C9orf72: variants seen among roughly 807,000 people sequenced by gnomAD.
C9orf72 encodes C9orf72-SMCR8 complex subunit, also known as guanine nucleotide exchange factor C9orf72.
Under a neutral mutation model 51.6 loss-of-function variants are expected in C9orf72, and 44 were observed. The observed-to-expected ratio is 0.85, with a 90% confidence interval of 0.67 to 1.10. C9orf72 has a LOEUF of 1.10. C9orf72 is among the 50% of genes least tolerant of loss of function. The probability of loss-of-function intolerance (pLI) is 0.00; values close to 1 mark genes in which losing one functional copy is unlikely to be tolerated. For synonymous variants in C9orf72, 213 were observed against 194.2 expected, an observed-to-expected ratio of 1.10 and a Z score of -0.81; for missense variants, 607 against 570.6, an observed-to-expected ratio of 1.06 and a Z score of -0.65.
rs535359091 is a variant in C9orf72, at chr9:27,571,653, C to T, written c.-45+1778G>A. On this transcript the variant is annotated intron_variant, in intron 1 of 10. Coordinates refer to ENST00000380003, the MANE Select transcript of C9orf72 (RefSeq NM_018325.5). Reference sequence around the variant, plus strand: ...TAATTTTTTGTAGAGACAGGGTCTACGTTGCCCAGGTTGAGCTTGAACTCC... The same window carrying T: ...TAATTTTTTGTAGAGACAGGGTCTATGTTGCCCAGGTTGAGCTTGAACTCC... Among the ~76,000 whole-genome samples, 4 of 152,228 alleles carry T rather than the reference C, an allele frequency of 2.6e-5. No homozygotes were observed. The East Asian group carries it at 7.7e-4, about 29-fold the overall frequency.
At position 27,552,515 on chromosome 9, in the gene C9orf72, A is replaced by ATTTTTT. The variant is rs71492751; in HGVS notation, c.1092-1814_1092-1809dup. Among the ~76,000 whole-genome samples the ATTTTTT allele has an allele frequency of 7.1e-3, 752 of 105,522 alleles. 1 individual carries two copies. The highest frequency in any genetic ancestry group is 9.8e-3 in the Non-Finnish European group (546 of 55,582). The allele number at this position is 105,522 out of a possible 152,430, so 69.2% of individuals were successfully genotyped here. On this transcript the variant is annotated intron_variant, in intron 8 of 10. Transcript: ENST00000380003. The stretch of plus-strand genomic sequence containing the variant: ...AGGTGCATGTCACCATACCAAGCTA[A>ATTTTTT]TTTTTTTTTTTTTTTTTTTTTGTAG...
intron 6 of C9orf72, 82 bp from the exon 7 acceptor site, chr9:27,558,689 T>A (rs1337430916): frequency 2.8e-6 from 2 of 712,188 alleles, no homozygotes; most frequent in South Asian, 3.6e-5. Context: ...GAAATTTTAA[T>A]TGTTATTATC....
chr9:27,554,168 T>C (rs1040662071), intron 8 of C9orf72, among the ~76,000 whole-genome samples: 1 of 152,298 alleles, frequency 6.6e-6, no homozygotes, highest in South Asian at 2.1e-4. Context: ...TTATTCTATA[T>C]GTACCTAAAG....
intron 3 of C9orf72, 41 bp from the exon 4 acceptor site, chr9:27,562,517 T>C (rs748760800): frequency 4.0e-6 from 4 of 992,136 alleles, no homozygotes; most frequent in East Asian, 5.5e-5. Flanking sequence ...AATCACGTAA[T>C]ATGAGAGAAG....
intron 1 of C9orf72, among the ~76,000 whole-genome samples, chr9:27,571,750 C>T (rs1422283094): frequency 2.6e-5 from 4 of 152,214 alleles, no homozygotes; most frequent in African/African-American, 4.8e-5. Flanking sequence ...CCTTCTCCAA[C>T]CTGGCTCTCA....
Position 27,546,598 on chromosome 9 carries a change from T to C in C9orf72, c.*1638A>G, listed in dbSNP as rs1820774239. ...TTCTCCATTTAGGAGAAAAGATATA[T>C]AACAATGTTTACACATGCTTTAATA... On this transcript the variant is annotated 3_prime_UTR_variant, in exon 11 of 11. Coordinates refer to ENST00000380003, the MANE Select transcript of C9orf72 (RefSeq NM_018325.5). 1 of 152,184 alleles carries C rather than the reference T, an allele frequency of 6.6e-6. No homozygotes were observed. The highest frequency in any genetic ancestry group is 2.4e-5 in the African/African-American group (1 of 41,462). 9.4% of individuals were successfully genotyped at this position (152,184 alleles called of 1,614,324 possible).
At chr9:27,555,367 A>G (rs1820987648) in intron 8 of C9orf72, among the ~76,000 whole-genome samples, 1 of 152,142 alleles carries the variant, frequency 6.6e-6, no homozygotes, top group African/African-American at 2.4e-5. Context: ...TTCCTATTCT[A>G]TGCTTTTGGT....
At chr9:27,551,562 T>C (rs971612187) in intron 8 of C9orf72, among the ~76,000 whole-genome samples, 2 of 152,064 alleles carry the variant, frequency 1.3e-5, no homozygotes, top group African/African-American at 4.8e-5. Context: ...AGAGAATGGG[T>C]ATGTGTAGAA....
chr9:27,548,307 G>T lies in C9orf72; in HGVS notation c.1375C>A (p.Leu459Ile). ...MALAEKIKPG[L>I]HSFIFGRPFY... ...GGTCTTCCAAAGATAAAAGAGTGTAGGCCTGGTTTAATTTTCTCAGCCAGA... is the reference window on the plus strand; with the variant it reads ...GGTCTTCCAAAGATAAAAGAGTGTATGCCTGGTTTAATTTTCTCAGCCAGA... The change falls in exon 11 of 11, where the codon CTA becomes ATA. Residue 459 changes from leucine to isoleucine, a missense_variant. Coordinates refer to ENST00000380003, the MANE Select transcript of C9orf72 (RefSeq NM_018325.5). The T allele has an allele frequency of 6.2e-7, 1 of 1,613,154 alleles. No homozygotes were observed. Among genetic ancestry groups the T allele is most frequent in the Non-Finnish European group, 8.5e-7 (1 of 1,179,426 alleles).
At chr9:27,568,982 A>G (rs1206755532) in intron 1 of C9orf72, among the ~76,000 whole-genome samples, 3 of 152,082 alleles carry the variant, frequency 2.0e-5, no homozygotes. Context: ...GTGGAGGTGG[A>G]AGGCAGTGAG....
chr9:27,553,460 G>A (rs10967982), intron 8 of C9orf72, among the ~76,000 whole-genome samples: 1,897 of 152,282 alleles, frequency 0.012, 28 homozygotes, highest in Non-Finnish European at 0.02. Flanking sequence ...AAGCAATGGG[G>A]AAAGGACTCC....
intron 8 of C9orf72, among the ~76,000 whole-genome samples, chr9:27,551,474 G>C (rs570027830): frequency 3.3e-5 from 5 of 152,326 alleles, no homozygotes; most frequent in African/African-American, 2.4e-5. Context: ...CAGAGGGTAA[G>C]AGAACATTTA....
intron 1 of C9orf72, among the ~76,000 whole-genome samples, chr9:27,569,866 TG>T (rs946101558): frequency 2.0e-5 from 3 of 152,250 alleles, no homozygotes; most frequent in African/African-American, 7.2e-5. Flanking sequence ...GATCTGTAAA[TG>T]TATGACAAAG....
chr9:27,551,273 T>TAC (rs1423234971), intron 8 of C9orf72, among the ~76,000 whole-genome samples: 1 of 152,232 alleles, frequency 6.6e-6, no homozygotes, highest in South Asian at 2.1e-4. Flanking sequence ...AAGTACTACC[T>TAC]ACCTTGGCAA....
intron 3 of C9orf72, among the ~76,000 whole-genome samples, chr9:27,564,154 A>G (rs7858679): frequency 4.7e-4 from 53 of 112,516 alleles, no homozygotes; most frequent in African/African-American, 1.7e-3. Context: ...GCTCAACAAC[A>G]CCAAAAAAAA....
chr9:27,572,115 C>G (rs1176304410), intron 1 of C9orf72, among the ~76,000 whole-genome samples: 1 of 152,170 alleles, frequency 6.6e-6, no homozygotes, highest in Non-Finnish European at 1.5e-5. Flanking sequence ...TGTGGAGTGC[C>G]AACATAGCCA....
rs1198863284 is a variant in C9orf72, at chr9:27,556,630, C to A, written c.1022G>T (p.Arg341Ile). Residue 341 changes from arginine (R) to isoleucine (I), a missense_variant, in exon 8 of 11, where the codon AGA (arginine) becomes ATA (isoleucine). By Grantham distance (97) the Arg-to-Ile change is moderately conservative. Coordinates refer to ENST00000380003, the MANE Select transcript of C9orf72 (RefSeq NM_018325.5). ...AGCCATGTCTTCTTCTGAAGTGGCT[C>A]TCCAGAAGGCTGTCAGCTCGGATCT... ...YMRSELTAFW[R>I]ATSEEDMAQD... 1.9e-6 allele frequency: 3 copies of A among 1,613,878 alleles called. No homozygotes were observed. Among genetic ancestry groups the A allele is most frequent in the Non-Finnish European group, 2.5e-6 (3 of 1,179,948 alleles).
chr9:27,571,164 C>A (rs1207132449), intron 1 of C9orf72: 1 of 152,148 alleles, frequency 6.6e-6, no homozygotes. Flanking sequence ...CAGAGAGTTA[C>A]CAAACATTAG....
At chr9:27,572,463 C>CT (rs35095891) in intron 1 of C9orf72, among the ~76,000 whole-genome samples, 2,682 of 147,946 alleles carry the variant, frequency 0.018, 51 homozygotes, top group African/African-American at 0.045. Context: ...TTAACAGTAT[C>CT]TTTTTTTTTT....
Sources: allele counts gnomAD v4.1 joint callset (sites outside exome capture counted in the v4.1 genomes callset), GRCh38; gene constraint gnomAD v4.1.1; transcripts MANE v1.5; gene names NCBI Gene and HGNC (gene_info 2026-07-23, HGNC 2026-07-21).